Variants in RPS6KC1 observed in about 807,000 individuals in gnomAD.
RPS6KC1 encodes ribosomal protein S6 kinase C1, also known as inactive ribosomal protein S6 kinase delta-1.
RPS6KC1 carries 54 observed loss-of-function variants against 103.8 expected under a neutral mutation model. The observed-to-expected ratio is 0.52, with a 90% CI of 0.42 to 0.65. The LOEUF (loss-of-function observed/expected upper bound fraction) is 0.65, where lower values mean the gene tolerates loss of function less well. Ranked by LOEUF, RPS6KC1 falls within the 30% of genes least tolerant of loss-of-function variation. RPS6KC1 has a pLI of 0.00. For synonymous variants in RPS6KC1, 439 were observed against 438.7 expected (o/e 1.00, Z -0.01); for missense variants, 1,151 against 1,253.8 (o/e 0.92, Z 1.24).
intron 10 of RPS6KC1, among the ~76,000 whole-genome samples, chr1:213,235,049 G>T (rs906408881): frequency 6.6e-6 from 1 of 152,212 alleles, no homozygotes; most frequent in African/African-American, 2.4e-5. Context: ...AGATTAGGAA[G>T]TTGGCCTGTG....
At chr1:213,172,054 T>A (rs1298469192) in intron 7 of RPS6KC1, among the ~76,000 whole-genome samples, 1 of 152,172 alleles carries the variant, frequency 6.6e-6, no homozygotes, top group East Asian at 1.9e-4. Context: ...GTATTCTAAA[T>A]GTGGTTGGTG....
At chr1:213,817,489 A>C in the RPS6KC1 span, among the ~76,000 whole-genome samples, 3 of 152,240 alleles carry the variant, frequency 2.0e-5, no homozygotes, top group Non-Finnish European at 4.4e-5. Flanking sequence ...TCCTAATTGA[A>C]TAACTTAGGC....
the RPS6KC1 span, among the ~76,000 whole-genome samples, chr1:213,622,393 T>C: frequency 1.2e-4 from 19 of 152,222 alleles, no homozygotes; most frequent in African/African-American, 3.4e-4. Context: ...CTTTTGTGAA[T>C]TGGAACTGGA....
the RPS6KC1 span, among the ~76,000 whole-genome samples, chr1:213,297,663 C>T: frequency 6.6e-6 from 1 of 152,126 alleles, no homozygotes; most frequent in Non-Finnish European, 1.5e-5. Flanking sequence ...GGATCTTACT[C>T]TGTCACCTAG....
the RPS6KC1 span, among the ~76,000 whole-genome samples, chr1:213,495,004 A>G: frequency 2.0e-5 from 3 of 152,244 alleles, no homozygotes; most frequent in Non-Finnish European, 2.9e-5. Flanking sequence ...AAAGTAATGG[A>G]AAAGGATTTT....
At chr1:213,376,683 G>GGGCA in the RPS6KC1 span, among the ~76,000 whole-genome samples, 1 of 152,174 alleles carries the variant, frequency 6.6e-6, no homozygotes, top group Non-Finnish European at 1.5e-5. Flanking sequence ...TGCAGAGAGT[G>GGGCA]GGCAGACAGA....
At chr1:213,345,656 A>G in the RPS6KC1 span, among the ~76,000 whole-genome samples, 1 of 152,214 alleles carries the variant, frequency 6.6e-6, no homozygotes, top group African/African-American at 2.4e-5. Context: ...GATGTCTTGA[A>G]TGACTGGGAT....
At chr1:213,529,293 T>C in the RPS6KC1 span, among the ~76,000 whole-genome samples, 10 of 152,242 alleles carry the variant, frequency 6.6e-5, no homozygotes, top group East Asian at 1.4e-3. Context: ...TTATGGAGCA[T>C]GGAGCCTCCA....
At chr1:213,501,898 C>A in the RPS6KC1 span, among the ~76,000 whole-genome samples, 1 of 152,192 alleles carries the variant, frequency 6.6e-6, no homozygotes, top group African/African-American at 2.4e-5. Flanking sequence ...AACATGCAAT[C>A]TGCAAGTTTG....
chr1:213,649,884 G>C, the RPS6KC1 span, among the ~76,000 whole-genome samples: 1 of 152,186 alleles, frequency 6.6e-6, no homozygotes, highest in Non-Finnish European at 1.5e-5. Flanking sequence ...TCTGCCTTGT[G>C]ATGGTCCTTG....
At chr1:213,323,776 C>T in the RPS6KC1 span, among the ~76,000 whole-genome samples, 4 of 152,076 alleles carry the variant, frequency 2.6e-5, no homozygotes, top group Non-Finnish European at 5.9e-5. Flanking sequence ...TCATTTACTC[C>T]GTGACCCTAC....
chr1:213,170,064 T>C (rs1297019618), intron 7 of RPS6KC1, among the ~76,000 whole-genome samples: 1 of 152,230 alleles, frequency 6.6e-6, no homozygotes, highest in African/African-American at 2.4e-5. Flanking sequence ...ATTACAGGCA[T>C]GAGTCACCAC....
At chr1:213,166,124 G>GTT (rs112402834) in intron 6 of RPS6KC1, among the ~76,000 whole-genome samples, 2 of 145,860 alleles carry the variant, frequency 1.4e-5, no homozygotes. Context: ...TATTTGGTGA[G>GTT]TTTTTTTTTT....
At chr1:213,836,045 C>A in the RPS6KC1 span, 1 of 149,964 alleles carries the variant, frequency 6.7e-6, no homozygotes, top group African/African-American at 2.5e-5. Flanking sequence ...GAGTTGAGAA[C>A]TTGATATACC....
the RPS6KC1 span, among the ~76,000 whole-genome samples, chr1:213,642,265 A>T: frequency 6.6e-6 from 1 of 152,220 alleles, no homozygotes; most frequent in African/African-American, 2.4e-5. Context: ...TGTTTATTTT[A>T]CAGAGTCCTC....
the RPS6KC1 span, among the ~76,000 whole-genome samples, chr1:213,640,231 G>A: frequency 4.0e-5 from 6 of 151,724 alleles, no homozygotes; most frequent in East Asian, 3.9e-4. Flanking sequence ...TGCCTGTGAG[G>A]TCTGCAGTGA....
chr1:213,220,514 G>T (rs780947742), intron 8 of RPS6KC1, among the ~76,000 whole-genome samples: 3 of 152,044 alleles, frequency 2.0e-5, no homozygotes, highest in Non-Finnish European at 4.4e-5. Context: ...TTTATAGAAA[G>T]AGGGTTTCAC....
chr1:213,523,727 C>CAG, the RPS6KC1 span, among the ~76,000 whole-genome samples: 1 of 152,264 alleles, frequency 6.6e-6, no homozygotes, highest in Non-Finnish European at 1.5e-5. Flanking sequence ...AAGTGTAATT[C>CAG]AAACTGCTGT....
At chr1:213,072,289 C>T (rs1012999121) in intron 2 of RPS6KC1, among the ~76,000 whole-genome samples, 5 of 151,990 alleles carry the variant, frequency 3.3e-5, no homozygotes, top group Admixed American at 3.3e-4. Flanking sequence ...GAGTGTATGG[C>T]CCCAGGTTTA....
Sources: gnomAD v4.1 joint callset for allele counts (sites outside exome capture counted in the v4.1 genomes callset) on GRCh38, gnomAD v4.1.1 for gene constraint, MANE v1.5 for transcripts, NCBI Gene and HGNC (gene_info 2026-07-23, HGNC 2026-07-21) for gene names.